AGBL1: variants seen among roughly 807,000 people sequenced by gnomAD.
AGBL1 encodes AGBL carboxypeptidase 1, also known as cytosolic carboxypeptidase 4.
A neutral mutation model predicts 118.9 loss-of-function variants in AGBL1; 130 were observed. The observed-to-expected ratio is 1.09, with a 90% CI of 0.95 to 1.26. AGBL1 has a LOEUF of 1.26. Ranked by LOEUF, AGBL1 falls within the 50% of genes most tolerant of loss-of-function variation. The probability of loss-of-function intolerance (pLI) is 0.00; values close to 1 mark genes in which losing one functional copy is unlikely to be tolerated. For synonymous variants in AGBL1, 555 were observed against 478.9 expected, an observed-to-expected ratio of 1.16 and a Z score of -2.08; for missense variants, 1,584 against 1,298.1, an observed-to-expected ratio of 1.22 and a Z score of -3.38.
At chr15:86,554,900 A>G (rs2083711599) in intron 21 of AGBL1, among the ~76,000 whole-genome samples, 1 of 152,202 alleles carries the variant, frequency 6.6e-6, no homozygotes, top group South Asian at 2.1e-4. Flanking sequence ...AGTTCTATGT[A>G]CATCATAAAG....
chr15:86,421,963 G>C (rs1351289917), intron 18 of AGBL1, among the ~76,000 whole-genome samples: 3 of 152,098 alleles, frequency 2.0e-5, no homozygotes, highest in African/African-American at 7.2e-5. Flanking sequence ...TGTTCTTAGA[G>C]ACCTACAAAG....
chr15:86,761,438 C>T (rs188061286), intron 22 of AGBL1, among the ~76,000 whole-genome samples: 5 of 152,052 alleles, frequency 3.3e-5, no homozygotes, highest in Admixed American at 1.3e-4. Flanking sequence ...ACTTGAATAG[C>T]CTGTATGAAA....
At chr15:86,480,990 T>C (rs1269926129) in intron 18 of AGBL1, among the ~76,000 whole-genome samples, 3 of 152,080 alleles carry the variant, frequency 2.0e-5, no homozygotes. Context: ...TTTTTTCTCC[T>C]GCCATTTAAG....
intron 19 of AGBL1, among the ~76,000 whole-genome samples, chr15:86,541,593 C>CAAAAA (rs34178328): frequency 6.9e-5 from 4 of 58,196 alleles, no homozygotes; most frequent in African/African-American, 7.0e-5. Flanking sequence ...GACTATGTCT[C>CAAAAA]AAAAAAAAAA....
At chr15:87,013,959 G>A (rs145956945) in intron 24 of AGBL1, among the ~76,000 whole-genome samples, 1 of 152,104 alleles carries the variant, frequency 6.6e-6, no homozygotes, top group African/African-American at 2.4e-5. Flanking sequence ...AGTGATCTCT[G>A]AGTGTCAGAT....
intron 21 of AGBL1, among the ~76,000 whole-genome samples, chr15:86,600,773 A>G (rs1284582581): frequency 6.6e-6 from 1 of 152,196 alleles, no homozygotes; most frequent in Non-Finnish European, 1.5e-5. Context: ...ATGGCTAAGC[A>G]GTATCAAAAT....
chr15:86,688,183 T>C (rs553104146), intron 22 of AGBL1, among the ~76,000 whole-genome samples: 24 of 152,168 alleles, frequency 1.6e-4, no homozygotes, highest in African/African-American at 5.5e-4. Context: ...AGGGGATTGA[T>C]GCTTGAGGAG....
chr15:86,301,575 A>G (rs1159061507), intron 17 of AGBL1, among the ~76,000 whole-genome samples: 6 of 151,592 alleles, frequency 4.0e-5, no homozygotes, highest in South Asian at 2.1e-4. Flanking sequence ...ACCTGGGCTG[A>G]AGATATTAGG....
Position 86,722,388 on chromosome 15 carries a change from G to C in AGBL1, c.3158+47952G>C, listed in dbSNP as rs1257847390. On this transcript the variant is annotated intron_variant, in intron 22 of 22. Transcript: ENST00000614907. ...ACCATCTGATCTTTGACAAATCTGAGAAAAACAAGCAATGGGGAAAGGATT... is the reference window on the plus strand; with the variant it reads ...ACCATCTGATCTTTGACAAATCTGACAAAAACAAGCAATGGGGAAAGGATT... Among the ~76,000 whole-genome samples, 86 of 152,122 alleles carry C rather than the reference G, an allele frequency of 5.7e-4. 1 individual carries two copies. The highest frequency in any genetic ancestry group is 1.0e-3 in the Non-Finnish European group (69 of 67,932).
chr15:86,171,445 T>C (rs2077413954), intron 5 of AGBL1, among the ~76,000 whole-genome samples: 1 of 151,308 alleles, frequency 6.6e-6, no homozygotes, highest in Non-Finnish European at 1.5e-5. Context: ...ATGTAGACTA[T>C]GATAATTTGA....
chr15:86,109,965 T>C (rs1001941134), intron 1 of AGBL1: 2 of 152,102 alleles, frequency 1.3e-5, no homozygotes, highest in Admixed American at 1.3e-4. Flanking sequence ...GCTAAATAGA[T>C]CCTCAACTCA....
chr15:86,421,694 A>G (rs2081792371), intron 18 of AGBL1, among the ~76,000 whole-genome samples: 1 of 152,166 alleles, frequency 6.6e-6, no homozygotes, highest in African/African-American at 2.4e-5. Flanking sequence ...GGTGTGCTGT[A>G]TTCAGGAGAC....
intron 22 of AGBL1, among the ~76,000 whole-genome samples, chr15:86,722,036 G>C (rs1474626560): frequency 3.9e-5 from 6 of 152,084 alleles, no homozygotes; most frequent in Admixed American, 3.9e-4. Context: ...AACATTCCAT[G>C]CTCATGGGTA....
At chr15:86,678,904 T>C (rs1355079006) in intron 22 of AGBL1, among the ~76,000 whole-genome samples, 1 of 152,124 alleles carries the variant, frequency 6.6e-6, no homozygotes, top group African/African-American at 2.4e-5. Flanking sequence ...TATATACACA[T>C]GCATATAACT....
intron 19 of AGBL1, among the ~76,000 whole-genome samples, chr15:86,536,661 C>G (rs187572523): frequency 5.6e-4 from 85 of 152,070 alleles, no homozygotes; most frequent in Non-Finnish European, 1.0e-3. Context: ...TCAAAGAAGT[C>G]TAAACAAATT....
chr15:86,492,684 T>G (rs912800976), intron 18 of AGBL1, among the ~76,000 whole-genome samples: 18 of 151,628 alleles, frequency 1.2e-4, no homozygotes, highest in African/African-American at 4.4e-4. Flanking sequence ...AAACCATTGA[T>G]GAGTTTTAAG....
chr15:86,125,036 GC>G (rs1347050384), intron 1 of AGBL1, among the ~76,000 whole-genome samples: 12 of 152,118 alleles, frequency 7.9e-5, no homozygotes, highest in African/African-American at 2.9e-4. Flanking sequence ...TTCATGAGGG[GC>G]TCTCTGCTTG....
downstream of AGBL1, among the ~76,000 whole-genome samples, chr15:86,920,413 G>T (rs114314271): frequency 2.1e-3 from 327 of 152,234 alleles, no homozygotes; most frequent in African/African-American, 7.3e-3. Context: ...AGTGTGATTA[G>T]GTTAGACCCA....
chr15:86,718,030 A>G (rs951475836), intron 22 of AGBL1, among the ~76,000 whole-genome samples: 3 of 152,188 alleles, frequency 2.0e-5, no homozygotes, highest in African/African-American at 4.8e-5. Flanking sequence ...GTAAGCCAAC[A>G]TTGTGCCACT....
Sources: allele counts gnomAD v4.1 joint callset (sites outside exome capture counted in the v4.1 genomes callset), GRCh38; gene constraint gnomAD v4.1.1; transcripts MANE v1.5; gene names NCBI Gene and HGNC (gene_info 2026-07-23, HGNC 2026-07-21).